The following MRPL37 variants were observed in gnomAD, a reference collection of about 807,000 sequenced individuals.
The protein encoded by MRPL37 is mitochondrial ribosomal protein L37, also known as large ribosomal subunit protein mL37.
Under a neutral mutation model 44.1 loss-of-function variants are expected in MRPL37, and 34 were observed. The ratio of observed to expected loss-of-function variants is 0.77; its 90% CI spans 0.59 to 1.03. MRPL37 has a LOEUF of 1.03. Among genes scored for constraint, MRPL37 ranks in the 50% least tolerant of loss-of-function variants. The pLI is 0.00. For synonymous variants in MRPL37, 212 were observed against 219.5 expected (o/e 0.97, Z 0.30); for missense variants, 532 against 543.7 (o/e 0.98, Z 0.21).
intron 5 of MRPL37, among the ~76,000 whole-genome samples, 172 bp from the exon 6 acceptor site, chr1:54,215,969 G>A (rs1197224263): frequency 6.6e-6 from 1 of 152,168 alleles, no homozygotes; most frequent in Non-Finnish European, 1.5e-5. Flanking sequence ...AGGAAGGCCC[G>A]GCCCTGGACA....
intron 5 of MRPL37, among the ~76,000 whole-genome samples, chr1:54,213,830 T>G (rs535130423): frequency 6.6e-6 from 1 of 152,274 alleles, no homozygotes; most frequent in African/African-American, 2.4e-5. Context: ...GGAGGATCAC[T>G]TGAGGCCAGG....
intron 3 of MRPL37, among the ~76,000 whole-genome samples, chr1:54,209,647 G>T (rs1206301285): frequency 6.6e-6 from 1 of 152,032 alleles, no homozygotes; most frequent in Non-Finnish European, 1.5e-5. Context: ...TTTTAGTAGA[G>T]ACTGGGTTTC....
downstream of MRPL37, among the ~76,000 whole-genome samples, chr1:54,219,713 C>G (rs1046310059): frequency 1.3e-5 from 2 of 152,252 alleles, no homozygotes; most frequent in South Asian, 2.1e-4. Context: ...TAGTCCTTTT[C>G]TCTAAGGTTA....
chr1:54,212,354 C>T, intron 4 of MRPL37, 147 bp from the exon 5 acceptor site: 1 of 979,350 alleles, frequency 1.0e-6, no homozygotes, highest in African/African-American at 1.6e-5. Context: ...TGAAGTTTGC[C>T]AGCCCCCGAG....
At chr1:54,208,223 C>A (rs1644137815) in intron 3 of MRPL37, among the ~76,000 whole-genome samples, 1 of 152,152 alleles carries the variant, frequency 6.6e-6, no homozygotes, top group Non-Finnish European at 1.5e-5. Context: ...TAAGGACAAT[C>A]TGGCCCCTTT....
chr1:54,200,503 T>TCTA lies in MRPL37; in HGVS notation c.262_264dup (p.Tyr88dup). ...GACCGCGGCTACAAGGACCCAAGGTTCTACCGCTCGCCCCCTCTTCACGAG... is the reference window on the plus strand; with the variant it reads ...GACCGCGGCTACAAGGACCCAAGGTTCTACTACCGCTCGCCCCCTCTTCACGAG... On this transcript the variant is annotated inframe_insertion, in exon 1 of 7. Coordinates refer to ENST00000360840, the MANE Select transcript of MRPL37 (RefSeq NM_016491.4). 1 of 1,614,164 alleles carries TCTA rather than the reference T, an allele frequency of 6.2e-7. No individual in the cohort carries two copies. The highest frequency in any genetic ancestry group is 2.2e-5 in the East Asian group (1 of 44,890).
chr1:54,219,635 T>C (rs913265332), downstream of MRPL37, among the ~76,000 whole-genome samples: 3 of 152,210 alleles, frequency 2.0e-5, no homozygotes, highest in Admixed American at 6.5e-5. Context: ...AGGAAACAAT[T>C]ATACATAAAT....
chr1:54,220,755 G>T (rs1298330090), downstream of MRPL37: 1 of 471,470 alleles, frequency 2.1e-6, no homozygotes, highest in Admixed American at 2.3e-5. Flanking sequence ...CAGTGAGCTG[G>T]TGAAGGAGCA....
intron 3 of MRPL37, among the ~76,000 whole-genome samples, chr1:54,209,595 G>T (rs983797946): frequency 7.9e-5 from 12 of 152,024 alleles, no homozygotes; most frequent in Non-Finnish European, 1.6e-4. Context: ...GAGTAGCTGG[G>T]ACTACAGGTG....
chr1:54,206,906 TG>T (rs1185040445), intron 3 of MRPL37, among the ~76,000 whole-genome samples: 28 of 2,760 alleles, frequency 0.01, no homozygotes, highest in Non-Finnish European at 0.015. Flanking sequence ...AGCTAATTTT[TG>T]TGTGTGTGTG....
downstream of MRPL37, among the ~76,000 whole-genome samples, chr1:54,222,021 C>G (rs1466332211): frequency 6.6e-6 from 1 of 152,240 alleles, no homozygotes; most frequent in African/African-American, 2.4e-5. Flanking sequence ...ACCTGGGCGC[C>G]TACCCACCCA....
At chr1:54,220,080 ACT>A (rs1294010621), downstream of MRPL37, among the ~76,000 whole-genome samples, 8 of 151,732 alleles carry the variant, frequency 5.3e-5, no homozygotes, top group East Asian at 3.9e-4. Flanking sequence ...TTTAAACAAC[ACT>A]CTGTTGGGAG....
chr1:54,204,634 G>A (rs542108160), intron 1 of MRPL37, among the ~76,000 whole-genome samples: 1 of 152,318 alleles, frequency 6.6e-6, no homozygotes, highest in South Asian at 2.1e-4. Flanking sequence ...GCTGGGGTGT[G>A]GGTTATTAGA....
At chr1:54,221,101 A>AAAT (rs1644230573), downstream of MRPL37, among the ~76,000 whole-genome samples, 1 of 152,084 alleles carries the variant, frequency 6.6e-6, no homozygotes, top group East Asian at 1.9e-4. Flanking sequence ...CCTTTGGATC[A>AAAT]AATAGGCTCC....
chr1:54,206,819 C>T (rs113452669), intron 3 of MRPL37, among the ~76,000 whole-genome samples: 3,704 of 151,956 alleles, frequency 0.024, 123 homozygotes, highest in South Asian at 0.13. Flanking sequence ...ACTGCAACCT[C>T]CGCATCCTGG....
intron 3 of MRPL37, among the ~76,000 whole-genome samples, chr1:54,208,259 T>C (rs1028446275): frequency 6.6e-6 from 1 of 152,112 alleles, no homozygotes; most frequent in Middle Eastern, 3.2e-3. Flanking sequence ...CTCCTCTGCC[T>C]TGGCTGGGTG....
At position 54,200,197 on chromosome 1, in the gene MRPL37, G is replaced by A. The variant is rs757119566; in HGVS notation, c.-47G>A. On this transcript the variant is annotated 5_prime_UTR_variant, in exon 1 of 7. Transcript: ENST00000360840. ...TCGTTCCCAGCAGGCCCTGCGCGCG[G>A]CAACATGGCGGGGTCCAGGTGGAGG... 11 of 1,500,136 alleles carry A rather than the reference G, an allele frequency of 7.3e-6. No homozygotes were observed. In the East Asian group the frequency reaches 1.4e-4, roughly 19 times the overall value. 92.9% of individuals were successfully genotyped at this position (1,500,136 alleles called of 1,614,324 possible).
intron 1 of MRPL37, among the ~76,000 whole-genome samples, chr1:54,204,438 C>G (rs1644106756): frequency 6.6e-6 from 1 of 152,050 alleles, no homozygotes; most frequent in African/African-American, 2.4e-5. Flanking sequence ...CAGGAAAAGC[C>G]CAACCTTTCT....
At position 54,200,216 on chromosome 1, in the gene MRPL37, G is replaced by A; in HGVS notation, c.-28G>A. The A allele has an allele frequency of 6.6e-7, 1 of 1,520,098 alleles. No individual in the cohort carries two copies. The highest frequency in any genetic ancestry group is 8.8e-7 in the Non-Finnish European group (1 of 1,140,884). 94.2% of individuals were successfully genotyped at this position (1,520,098 alleles called of 1,614,324 possible). A position where few individuals can be genotyped will look rare whatever the true frequency, so the allele number is the denominator to read the frequency against. ...CGCGCGGCAACATGGCGGGGTCCAG[G>A]TGGAGGTCTTGAGGCTATCAGATCG... On this transcript the variant is annotated 5_prime_UTR_variant, in exon 1 of 7. It adds an upstream start codon to the 5' untranslated region. Transcript: ENST00000360840.
Sources: gnomAD v4.1 joint callset for allele counts (sites outside exome capture counted in the v4.1 genomes callset) on GRCh38, gnomAD v4.1.1 for gene constraint, MANE v1.5 for transcripts, NCBI Gene and HGNC (gene_info 2026-07-23, HGNC 2026-07-21) for gene names.